GCH1: variants seen among roughly 807,000 people sequenced by gnomAD.
GCH1 encodes the protein GTP cyclohydrolase I.
Under a neutral mutation model 25.9 loss-of-function variants are expected in GCH1, and 5 were observed. That is an observed-to-expected ratio of 0.19 (90% confidence interval 0.10 to 0.41). The LOEUF (loss-of-function observed/expected upper bound fraction) is 0.41. Among genes scored for constraint, GCH1 ranks in the 10% least tolerant of loss-of-function variants. GCH1 has a pLI of 1.00. For missense variants in GCH1, 261 were observed against 336.5 expected, an observed-to-expected ratio of 0.78 and a Z score of 1.75; for synonymous variants, 159 against 129.6, an observed-to-expected ratio of 1.23 and a Z score of -1.54.
intron 1 of GCH1, among the ~76,000 whole-genome samples, chr14:54,899,141 G>C (rs2040526497): frequency 1.3e-5 from 2 of 151,822 alleles, no homozygotes; most frequent in African/African-American, 4.8e-5. Context: ...TGTAATGCAT[G>C]ATTATATTCA....
intron 1 of GCH1, among the ~76,000 whole-genome samples, chr14:54,874,476 C>T (rs148410204): frequency 0.023 from 3,511 of 152,220 alleles, 133 homozygotes; most frequent in African/African-American, 0.08. Flanking sequence ...CAACATAGTG[C>T]TGGAAGTTCT....
intron 1 of GCH1, 53 bp downstream of exon 1, chr14:54,902,268 G>A (rs2183080): frequency 1.3e-6 from 2 of 1,585,978 alleles, no homozygotes; most frequent in African/African-American, 1.3e-5. Flanking sequence ...CGCGTTTCCT[G>A]CAAGCACCGC....
chr14:54,859,674 CACTT>C lies in GCH1; in HGVS notation c.509+3_509+6del. 6.5e-7 allele frequency: 1 copy of C among 1,547,508 alleles called. No individual in the cohort carries two copies. The highest frequency in any genetic ancestry group is 8.9e-7 in the Non-Finnish European group (1 of 1,119,470). On this transcript the variant is annotated splice_donor_5th_base_variant and intron_variant, in intron 3 of 5. Coordinates refer to ENST00000491895, the MANE Select transcript of GCH1 (RefSeq NM_000161.3). ...TGTATTCTTGTTCACTGCACAGTCA[CACTT>C]ACCTCGCAAGTTTGCTGAGGCCAAG...
At chr14:54,844,207 G>A (rs2039606279) in intron 5 of GCH1, 64 bp from the exon 6 acceptor site, 1 of 1,059,156 alleles carries the variant, frequency 9.4e-7, no homozygotes, top group South Asian at 1.2e-5. Flanking sequence ...GTTTTTAAAA[G>A]CAGGCCTAAA....
At chr14:54,863,499 CA>C (rs1209956263) in intron 2 of GCH1, among the ~76,000 whole-genome samples, 3,607 of 17,852 alleles carry the variant, frequency 0.2, 84 homozygotes, top group African/African-American at 0.28. Context: ...TTTGTAATAG[CA>C]AAAAAAAAAA....
At chr14:54,844,300 T>C (rs1360873279) in intron 5 of GCH1, among the ~76,000 whole-genome samples, 157 bp from the exon 6 acceptor site, 1 of 152,246 alleles carries the variant, frequency 6.6e-6, no homozygotes, top group Non-Finnish European at 1.5e-5. Context: ...CATGCAAAAG[T>C]AACTGCGGTT....
rs1345672775 is a variant in GCH1 at position 54,873,584 on chromosome 14, T to G, written c.344-8148A>C. 4.9e-4 allele frequency among the ~76,000 whole-genome samples: 74 copies of G among 151,238 alleles called. No homozygotes were observed. The South Asian group carries it at 7.6e-3, about 15-fold the overall frequency. On this transcript the variant is annotated intron_variant, in intron 1 of 5. Transcript: ENST00000491895. ...GGTTTTTTGAAAAGATCAATAAAAT[T>G]GATAGACCGCTAGCAAGACTAATAA...
intron 1 of GCH1, among the ~76,000 whole-genome samples, chr14:54,888,093 A>G (rs2040376726): frequency 6.6e-6 from 1 of 152,238 alleles, no homozygotes; most frequent in Non-Finnish European, 1.5e-5. Flanking sequence ...CTGTCTAATC[A>G]AAGGAGCTAC....
At chr14:54,870,027 A>C (rs769346571) in intron 1 of GCH1, among the ~76,000 whole-genome samples, 1 of 152,160 alleles carries the variant, frequency 6.6e-6, no homozygotes, top group African/African-American at 2.4e-5. Context: ...GAGAGGTAGG[A>C]GAGAGAACTT....
At position 54,865,272 on chromosome 14, in the gene GCH1, T is replaced by A. The variant is rs185153971; in HGVS notation, c.453+55A>T. 8.5e-6 allele frequency: 7 copies of A among 820,224 alleles called. No homozygotes were observed. In the East Asian group the frequency reaches 1.8e-4, roughly 22 times the overall value. The allele number at this position is 820,224 out of a possible 1,614,324, so 50.8% of individuals were successfully genotyped here. On this transcript the variant is annotated intron_variant, in intron 2 of 5. Coordinates refer to ENST00000491895, the MANE Select transcript of GCH1 (RefSeq NM_000161.3). ...AAAATTTTAAATATAATTATTCTAA[T>A]TGAAAAACTTTCACTATGTTTTAAA... is the stretch of plus-strand genomic sequence containing the variant.
rs1391688333 is a variant in GCH1, at chr14:54,843,773, C to T, written c.*244G>A. On this transcript the variant is annotated 3_prime_UTR_variant, in exon 6 of 6. Coordinates refer to ENST00000491895, the MANE Select transcript of GCH1 (RefSeq NM_000161.3). The stretch of plus-strand genomic sequence containing the variant: ...GGTTATCTGGCAGTGGTTTTGTGCA[C>T]GTACTTACACTATTAGCAGTTCACT... The T allele has an allele frequency of 2.5e-6, 4 of 1,613,998 alleles. No homozygotes were observed. Among genetic ancestry groups the T allele is most frequent in the Non-Finnish European group, 3.4e-6 (4 of 1,179,958 alleles).
intron 1 of GCH1, among the ~76,000 whole-genome samples, chr14:54,887,849 T>G (rs1427739775): frequency 6.6e-6 from 1 of 152,234 alleles, no homozygotes; most frequent in Non-Finnish European, 1.5e-5. Context: ...TTTTGACTAC[T>G]TTTATGTTTG....
At chr14:54,864,181 G>C (rs1373147561) in intron 2 of GCH1, among the ~76,000 whole-genome samples, 1 of 151,888 alleles carries the variant, frequency 6.6e-6, no homozygotes, top group Admixed American at 6.6e-5. Flanking sequence ...CTTGATCTCT[G>C]AAGTGGTAAG....
chr14:54,844,501 G>C (rs1048684690), intron 5 of GCH1, among the ~76,000 whole-genome samples: 8 of 152,206 alleles, frequency 5.3e-5, no homozygotes, highest in African/African-American at 1.9e-4. Context: ...TTAACTTCTA[G>C]ATCAAAAGAA....
At chr14:54,846,323 G>A (rs1045189623) in intron 4 of GCH1, among the ~76,000 whole-genome samples, 21 of 152,114 alleles carry the variant, frequency 1.4e-4, no homozygotes, top group Non-Finnish European at 2.8e-4. Context: ...AAAATGACTT[G>A]TCTTTTAATT....
At chr14:54,899,753 C>G (rs545430389) in intron 1 of GCH1, among the ~76,000 whole-genome samples, 100 of 152,306 alleles carry the variant, frequency 6.6e-4, no homozygotes, top group Non-Finnish European at 8.5e-4. Context: ...ATTTTCATGA[C>G]TCCAAAAGGA....
intron 3 of GCH1, among the ~76,000 whole-genome samples, chr14:54,852,126 G>C (rs1470193773): frequency 6.6e-6 from 1 of 152,080 alleles, no homozygotes; most frequent in African/African-American, 2.4e-5. Flanking sequence ...GCTCAAGGTC[G>C]ACAGGTTCTC....
chr14:54,854,083 T>A (rs1290233508), intron 3 of GCH1, among the ~76,000 whole-genome samples: 1 of 152,242 alleles, frequency 6.6e-6, no homozygotes, highest in East Asian at 1.9e-4. Flanking sequence ...TTCCTAGATA[T>A]CAGACTCCCC....
rs185626204 is a variant in GCH1 at position 54,861,489 on chromosome 14, A to G, written c.454-1753T>C. Among the ~76,000 whole-genome samples the G allele has an allele frequency of 1.9e-4, 29 of 152,032 alleles. 1 individual carries two copies. In the East Asian group the frequency reaches 5.2e-3, roughly 27 times the overall value. On this transcript the variant is annotated intron_variant, in intron 2 of 5. Coordinates refer to ENST00000491895, the MANE Select transcript of GCH1 (RefSeq NM_000161.3). ...GGTGGCTCACACCTGTAATTCCAACATTTTGGGTGGATTGCCTGAGGTCAG... is the reference window on the plus strand; with the variant it reads ...GGTGGCTCACACCTGTAATTCCAACGTTTTGGGTGGATTGCCTGAGGTCAG...
Sources: allele counts gnomAD v4.1 joint callset (sites outside exome capture counted in the v4.1 genomes callset), GRCh38; gene constraint gnomAD v4.1.1; transcripts MANE v1.5; gene names NCBI Gene and HGNC (gene_info 2026-07-23, HGNC 2026-07-21).